Variants in WDR37 observed in about 807,000 individuals in gnomAD.
WDR37 encodes WD repeat domain 37, also known as WD repeat-containing protein 37.
In WDR37, 19 loss-of-function variants were observed where a neutral mutation model predicts 62.9. That is an observed-to-expected ratio of 0.30 (90% CI 0.21 to 0.44). WDR37 has a LOEUF of 0.44. WDR37 is among the 20% of genes least tolerant of loss of function. The pLI is 1.00. For missense variants in WDR37, 474 were observed against 657.6 expected, an observed-to-expected ratio of 0.72 and a Z score of 3.05; for synonymous variants, 250 against 260.9, an observed-to-expected ratio of 0.96 and a Z score of 0.40.
chr10:1,064,992 A>G (rs1276382037), intron 1 of WDR37, among the ~76,000 whole-genome samples: 1 of 152,144 alleles, frequency 6.6e-6, no homozygotes, highest in African/African-American at 2.4e-5. Context: ...TCAGAATTTT[A>G]TATCAAGTGA....
At chr10:1,126,321 G>A (rs1400131306) in intron 13 of WDR37, among the ~76,000 whole-genome samples, 3 of 147,564 alleles carry the variant, frequency 2.0e-5, no homozygotes, top group Admixed American at 6.6e-5. Context: ...CAGGAGAATG[G>A]CGTGAACCCA....
In WDR37 at chr10:1,103,839, G is replaced by A. The variant is rs1564508111; in HGVS notation, c.961+3G>A. The A allele has an allele frequency of 1.9e-6, 3 of 1,613,248 alleles. No individual in the cohort carries two copies. The highest frequency in any genetic ancestry group is 3.3e-5 in the Admixed American group (2 of 59,988). On this transcript the variant is annotated splice_donor_region_variant and intron_variant, in intron 10 of 13. Transcript: ENST00000263150. The surrounding 1 kb of genome is among the most constrained non-coding windows in gnomAD (Gnocchi z 6.3). ...CGAGCTCGTTCACTCTCTGACAGGT[G>A]CCTGGGTTCTCTGAGTCCGCCGCCT...
chr10:1,066,368 G>C (rs566730356), intron 1 of WDR37, among the ~76,000 whole-genome samples: 2,731 of 152,214 alleles, frequency 0.018, 81 homozygotes, highest in African/African-American at 0.063. Flanking sequence ...CGTCCACCTT[G>C]ACCTCCCAAA....
chr10:1,102,557 C>T (rs924864723), intron 9 of WDR37, among the ~76,000 whole-genome samples: 1 of 150,610 alleles, frequency 6.6e-6, no homozygotes, highest in African/African-American at 2.4e-5. Context: ...CGGGAGAAGG[C>T]GTCATGTGAT....
intron 1 of WDR37, among the ~76,000 whole-genome samples, chr10:1,061,838 C>CA (rs34689634): frequency 0.6 from 82,454 of 138,364 alleles, 24,061 homozygotes; most frequent in Middle Eastern, 0.65. Flanking sequence ...GACGTCATCT[C>CA]AAAAAAAAAA....
At chr10:1,088,147 T>C (rs1177754263) in intron 7 of WDR37, among the ~76,000 whole-genome samples, 2 of 152,228 alleles carry the variant, frequency 1.3e-5, no homozygotes, top group African/African-American at 4.8e-5. Flanking sequence ...TGAATTAGGC[T>C]GCAGCTAAAG....
chr10:1,096,508 C>T (rs978272050), intron 9 of WDR37: 21 of 496,880 alleles, frequency 4.2e-5, no homozygotes, highest in Middle Eastern at 5.3e-4. Context: ...CTCCGTGTCA[C>T]GTAAGAGCAG....
intron 11 of WDR37, among the ~76,000 whole-genome samples, chr10:1,116,924 C>G (rs963138965): frequency 3.1e-5 from 4 of 129,654 alleles, no homozygotes; most frequent in Admixed American, 7.2e-5. Flanking sequence ...TTGTCTCTTA[C>G]CAGCAGAGCA....
At chr10:1,064,404 T>C (rs1163721763) in intron 1 of WDR37, among the ~76,000 whole-genome samples, 1 of 152,084 alleles carries the variant, frequency 6.6e-6, no homozygotes, top group East Asian at 1.9e-4. Context: ...CACTGCTGTA[T>C]GTTTCCTAAA....
Position 1,074,443 on chromosome 10 carries a change from G to A in WDR37, c.138+2150G>A, listed in dbSNP as rs570293261. 32 of 1,304,322 alleles carry A rather than the reference G, an allele frequency of 2.5e-5. No homozygotes were observed. The East Asian group carries it at 3.3e-4, about 14-fold the overall frequency. The allele number at this position is 1,304,322 out of a possible 1,614,324, so 80.8% of individuals were successfully genotyped here. A position where few individuals can be genotyped will look rare whatever the true frequency, so the allele number is the denominator to read the frequency against. ...CCTTTGGCCTGTGTCTCCCACGCTC[G>A]CTCCCTAGACGGAGCTCATTTGTTC... On this transcript the variant is annotated intron_variant, in intron 2 of 13. Coordinates refer to ENST00000263150, the MANE Select transcript of WDR37 (RefSeq NM_014023.4).
chr10:1,096,873 A>G (rs1033183810), intron 9 of WDR37, among the ~76,000 whole-genome samples: 2 of 152,220 alleles, frequency 1.3e-5, no homozygotes, highest in Non-Finnish European at 2.9e-5. Flanking sequence ...CAGAGAGGAA[A>G]GGGGAGAGCT....
At chr10:1,070,780 T>C (rs1042416269) in intron 1 of WDR37, among the ~76,000 whole-genome samples, 3 of 152,122 alleles carry the variant, frequency 2.0e-5, no homozygotes, top group East Asian at 1.9e-4. Context: ...GATAAACTTA[T>C]TTTTCAAAAC....
intron 5 of WDR37, 120 bp downstream of exon 5, chr10:1,080,596 G>A (rs1393576264): frequency 1.6e-6 from 2 of 1,247,912 alleles, no homozygotes; most frequent in Non-Finnish European, 2.2e-6. Flanking sequence ...GGTTTTAAGG[G>A]AAATTTAGTT....
At chr10:1,085,210 G>T (rs1834163325) in intron 6 of WDR37, among the ~76,000 whole-genome samples, 1 of 151,780 alleles carries the variant, frequency 6.6e-6, no homozygotes, top group South Asian at 2.1e-4. Context: ...CTGACCTTGT[G>T]ATCTGCCTGC....
chr10:1,126,647 C>T (rs1292379095), intron 13 of WDR37, among the ~76,000 whole-genome samples: 5 of 152,214 alleles, frequency 3.3e-5, no homozygotes, highest in African/African-American at 1.2e-4. Context: ...TCTGTGGACA[C>T]CAGCTCATGG....
At chr10:1,091,907 G>A (rs911614418) in intron 7 of WDR37, among the ~76,000 whole-genome samples, 31 of 152,164 alleles carry the variant, frequency 2.0e-4, no homozygotes, top group South Asian at 4.1e-4. Context: ...TAGGCCGGGC[G>A]CGGTGGCTCA....
chr10:1,126,381 G>A (rs1021234535), intron 13 of WDR37, among the ~76,000 whole-genome samples: 1 of 149,692 alleles, frequency 6.7e-6, no homozygotes, highest in African/African-American at 2.5e-5. Flanking sequence ...ACTCCAGCCT[G>A]GGCGACAGAG....
intron 1 of WDR37, among the ~76,000 whole-genome samples, chr10:1,069,385 A>ATTTTTTTTTTTTTTTTTTTTTTT (rs1564496938): frequency 3.5e-5 from 1 of 28,472 alleles, no homozygotes; most frequent in Non-Finnish European, 6.9e-5. Flanking sequence ...ATATATATAT[A>ATTTTTTTTTTTTTTTTTTTTTTT]TATATTTTTT....
At chr10:1,102,213 T>C (rs61062466) in intron 9 of WDR37, among the ~76,000 whole-genome samples, 24 of 119,980 alleles carry the variant, frequency 2.0e-4, no homozygotes, top group African/African-American at 6.8e-4. Context: ...GTTGCCGTGC[T>C]GCTGTGCGTC....
Sources: allele counts gnomAD v4.1 joint callset (sites outside exome capture counted in the v4.1 genomes callset), GRCh38; gene constraint gnomAD v4.1.1; non-coding constraint Gnocchi (gnomAD v3.1); transcripts MANE v1.5; gene names NCBI Gene and HGNC (gene_info 2026-07-23, HGNC 2026-07-21).